Variants in DNAJC4 observed in about 807,000 individuals in gnomAD.
The protein encoded by DNAJC4 is DnaJ heat shock protein family (Hsp40) member C4, also known as dnaJ homolog subfamily C member 4.
DNAJC4 carries 26 observed loss-of-function variants against 26.8 expected under a neutral mutation model. The observed-to-expected ratio is 0.97, with a 90% confidence interval of 0.71 to 1.34. The LOEUF (loss-of-function observed/expected upper bound fraction) is 1.34. Among genes scored for constraint, DNAJC4 ranks in the 40% most tolerant of loss-of-function variants. The pLI is 0.00. For synonymous variants in DNAJC4, 134 were observed against 127.8 expected (o/e 1.05, Z -0.33); for missense variants, 342 against 321.1 (o/e 1.07, Z -0.50).
rs751226620 is a variant in DNAJC4 at position 64,233,917 on chromosome 11, A to C, written c.551A>C (p.Asn184Thr). The C allele has an allele frequency of 3.1e-6, 5 of 1,613,894 alleles. 1 individual carries two copies. In the African/African-American group the frequency reaches 6.7e-5, roughly 22 times the overall value. Reference sequence around the variant, plus strand: ...AGGAAGGTGAAGCAGATGCACCTTAACTTCATGGATGAAAAGGATCGGATC... The same window carrying C: ...AGGAAGGTGAAGCAGATGCACCTTACCTTCATGGATGAAAAGGATCGGATC... ...AFRKVKQMHL[N>T]FMDEKDRIIT... Residue 184 changes from asparagine to threonine, a missense_variant, in exon 5 of 6, where the codon AAC (asparagine) becomes ACC (threonine). Transcript: ENST00000628077.
intron 2 of DNAJC4, 82 bp from the exon 3 acceptor site, chr11:64,232,348 G>T: frequency 6.8e-7 from 1 of 1,474,106 alleles, no homozygotes; most frequent in East Asian, 2.3e-5. Context: ...TATGACTGGA[G>T]CCCTGGTGGG....
In DNAJC4 at chr11:64,234,150, G is replaced by T. The variant is rs770423160; in HGVS notation, c.692G>T (p.Gly231Val). 6.3e-7 allele frequency: 1 copy of T among 1,591,426 alleles called. No individual in the cohort carries two copies. The highest frequency in any genetic ancestry group is 1.1e-5 in the South Asian group (1 of 89,272). The change falls in exon 6 of 6, where the codon GGC (glycine) becomes GTC (valine). Residue 231 changes from glycine to valine, a missense_variant. By Grantham distance (109) the Gly-to-Val change is moderately radical. Coordinates refer to ENST00000628077, the MANE Select transcript of DNAJC4 (RefSeq NM_005528.4). The surrounding 1 kb of genome is among the most constrained non-coding windows in gnomAD (Gnocchi z 5.3). ...CCGCCACCATCCGAGCCAACCCAAG[G>T]CCCCGAGATCGTGCCCCGGGGCGCC... The part of the protein sequence containing the change: ...RQPPPSEPTQ[G>V]PEIVPRGAGP
rs560171950 is a variant in DNAJC4, at chr11:64,230,561, G to A, written c.-294G>A. On this transcript the variant is annotated 5_prime_UTR_variant, in exon 1 of 6. Coordinates refer to ENST00000628077, the MANE Select transcript of DNAJC4 (RefSeq NM_005528.4). ...CCTGGTTGTGGCCCCTCCTTCTCCCGTCCCCAAGTTCCCTGGGTGGGAACG... is the reference window on the plus strand; with the variant it reads ...CCTGGTTGTGGCCCCTCCTTCTCCCATCCCCAAGTTCCCTGGGTGGGAACG... 1.3e-5 allele frequency: 8 copies of A among 593,446 alleles called. No homozygotes were observed. Among genetic ancestry groups the A allele is most frequent in the African/African-American group, 9.3e-5 (5 of 53,556 alleles). 36.8% of individuals were successfully genotyped at this position (593,446 alleles called of 1,614,324 possible).
rs1947188562 is a variant in DNAJC4, at chr11:64,232,496, T to C, written c.247T>C (p.Tyr83His). The C allele has an allele frequency of 6.2e-7, 1 of 1,612,508 alleles. No individual in the cohort carries two copies. Among genetic ancestry groups the C allele is most frequent in the Non-Finnish European group, 8.5e-7 (1 of 1,178,922 alleles). ...HSRFVELSEAYRVLSREQSRR... is the reference protein window; with the variant it reads ...HSRFVELSEAHRVLSREQSRR... The stretch of plus-strand genomic sequence containing the variant: ...CCGCTTTGTGGAGCTGAGCGAGGCA[T>C]ACCGTGTGCTCAGCCGTGAGCAGAG... The change falls in exon 3 of 6, where the codon TAC (tyrosine) becomes CAC (histidine). Residue 83 changes from tyrosine to histidine, a missense_variant. By Grantham distance (83) the Tyr-to-His change is moderately conservative. Coordinates refer to ENST00000628077, the MANE Select transcript of DNAJC4 (RefSeq NM_005528.4).
chr11:64,234,274 T>G lies in DNAJC4; in HGVS notation c.*90T>G. The G allele has an allele frequency of 9.8e-6, 14 of 1,423,984 alleles. No individual in the cohort carries two copies. Among genetic ancestry groups the G allele is most frequent in the Non-Finnish European group, 1.3e-5 (14 of 1,064,956 alleles). The allele number at this position is 1,423,984 out of a possible 1,614,324, so 88.2% of individuals were successfully genotyped here. On this transcript the variant is annotated 3_prime_UTR_variant, in exon 6 of 6. Transcript: ENST00000628077. This position sits in a 1 kb window ranked among gnomAD's most constrained non-coding sequence, Gnocchi z 5.3. ...CCCCGAAACGCGCGCAATAAAGTGA[T>G]TCGCAGAGCTCGTGTCCGGCTCCCT...
At position 64,232,496 on chromosome 11, in the gene DNAJC4, T is replaced by G; in HGVS notation, c.247T>G (p.Tyr83Asp). The change falls in exon 3 of 6, where the codon TAC becomes GAC. Residue 83 changes from tyrosine to aspartate, a missense_variant. Coordinates refer to ENST00000628077, the MANE Select transcript of DNAJC4 (RefSeq NM_005528.4). ...HSRFVELSEA[Y>D]RVLSREQSRR... ...CCGCTTTGTGGAGCTGAGCGAGGCA[T>G]ACCGTGTGCTCAGCCGTGAGCAGAG... 6.2e-7 allele frequency: 1 copy of G among 1,612,508 alleles called. No homozygotes were observed. The highest frequency in any genetic ancestry group is 1.1e-5 in the South Asian group (1 of 90,996).
intron 2 of DNAJC4, 172 bp downstream of exon 2, chr11:64,232,136 G>T: frequency 1.3e-6 from 1 of 751,216 alleles, no homozygotes. Context: ...AGGAGCCAGG[G>T]GTCCTGTCTG....
upstream of DNAJC4, chr11:64,230,452 C>A: frequency 1.9e-6 from 1 of 523,564 alleles, no homozygotes. Context: ...TCTTGGCATC[C>A]ACGCCAATGA....
chr11:64,231,860 T>G lies in DNAJC4; in HGVS notation c.87-11T>G, dbSNP rs1404658808. On this transcript the variant is annotated splice_polypyrimidine_tract_variant and intron_variant, in intron 1 of 5. Transcript: ENST00000628077. The stretch of plus-strand genomic sequence containing the variant: ...CTTCAGCCCCTGCAAGGTTTGGGAC[T>G]CTGTCCACAGGTCCAGACCCAGTAC... The G allele has an allele frequency of 6.2e-7, 1 of 1,613,914 alleles. No individual in the cohort carries two copies. The highest frequency in any genetic ancestry group is 1.7e-4 in the Middle Eastern group (1 of 6,060).
intron 4 of DNAJC4, chr11:64,233,606 C>T (rs892090143): frequency 2.2e-6 from 1 of 462,992 alleles, no homozygotes; most frequent in Admixed American, 3.5e-5. Flanking sequence ...CTGCCTAGTT[C>T]AGTGATGGAG....
Position 64,232,731 on chromosome 11 carries a change from C to T in DNAJC4, c.393C>T (p.Tyr131=), listed in dbSNP as rs375673802. The stretch of plus-strand genomic sequence containing the variant: ...CCTGGACACCCCCCAACGCACAGTA[C>T]TGGTCCCAGTTTCACAGCGTGAGGC... The part of the protein sequence containing the change: ...HSSWTPPNAQ[Y]WSQFHSVRPQ... Residue 131 remains tyrosine, a synonymous_variant, in exon 4 of 6, where the codon TAC becomes TAT. Coordinates refer to ENST00000628077, the MANE Select transcript of DNAJC4 (RefSeq NM_005528.4). 3.6e-4 allele frequency: 586 copies of T among 1,610,380 alleles called. 1 individual carries two copies. The highest frequency in any genetic ancestry group is 6.3e-4 in the South Asian group (57 of 90,484).
intron 1 of DNAJC4, 21 bp downstream of exon 1, chr11:64,230,961 C>A: frequency 1.9e-6 from 3 of 1,539,060 alleles, no homozygotes; most frequent in South Asian, 1.2e-5. Flanking sequence ...CGCGGGGGGC[C>A]GGCCCGGTTG....
intron 4 of DNAJC4, chr11:64,233,125 AC>A: frequency 2.6e-6 from 1 of 379,438 alleles, no homozygotes; most frequent in Admixed American, 4.6e-5. Context: ...ATTGAGCCAA[AC>A]AAAATCAAGC....
At position 64,231,919 on chromosome 11, in the gene DNAJC4, C is replaced by T. The variant is rs1428039833; in HGVS notation, c.135C>T (p.Ala45=). The change falls in exon 2 of 6, where the codon GCC becomes GCT. Residue 45 remains alanine (A), a synonymous_variant. Coordinates refer to ENST00000628077, the MANE Select transcript of DNAJC4 (RefSeq NM_005528.4). ...AACTGTTGGGGGTGCATCCTGGTGC[C>T]AGCACTGAGGAAGTTAAACGAGCTT... ...YYELLGVHPG[A]STEEVKRAFF... 1.2e-6 allele frequency: 2 copies of T among 1,614,078 alleles called. No individual in the cohort carries two copies. Among genetic ancestry groups the T allele is most frequent in the Non-Finnish European group, 1.7e-6 (2 of 1,179,988 alleles).
At position 64,234,208 on chromosome 11, in the gene DNAJC4, C is replaced by T; in HGVS notation, c.*24C>T. On this transcript the variant is annotated 3_prime_UTR_variant, in exon 6 of 6. Transcript: ENST00000628077. The surrounding 1 kb of genome is among the most constrained non-coding windows in gnomAD (Gnocchi z 5.3). ...GAGGGGCTCACCTGGATGGGGCCTG[C>T]AGTGCGTTCCCGCTTTGCTTCCTTC... The T allele has an allele frequency of 2.0e-6, 3 of 1,537,600 alleles. No homozygotes were observed. Among genetic ancestry groups the T allele is most frequent in the Non-Finnish European group, 2.6e-6 (3 of 1,146,338 alleles).
In DNAJC4 at chr11:64,231,889, T is replaced by C. The variant is rs369229457; in HGVS notation, c.105T>C (p.Tyr35=). 8.7e-6 allele frequency: 14 copies of C among 1,609,714 alleles called. No homozygotes were observed. The highest frequency in any genetic ancestry group is 1.6e-4 in the Middle Eastern group (1 of 6,084). ...TCCACAGGTCCAGACCCAGTACTTATTATGAACTGTTGGGGGTGCATCCTG... is the reference window on the plus strand; with the variant it reads ...TCCACAGGTCCAGACCCAGTACTTACTATGAACTGTTGGGGGTGCATCCTG... The part of the protein sequence containing the change: ...AAGQRSRPST[Y]YELLGVHPGA... The change falls in exon 2 of 6, where the codon TAT becomes TAC. Residue 35 remains tyrosine (Y), a synonymous_variant. Transcript: ENST00000628077.
Position 64,230,873 on chromosome 11 carries a change from C to A in DNAJC4, c.19C>A (p.Leu7Met). Residue 7 changes from leucine to methionine, a missense_variant, in exon 1 of 6, where the codon CTG becomes ATG. By Grantham distance (15) the Leu-to-Met change is conservative. Transcript: ENST00000628077. ...CGCCGCCATGCCGCCCTTACTGCCC[C>A]TGCGCCTGTGCCGGCTGTGGCCCCG... is the stretch of plus-strand genomic sequence containing the variant. MPPLLP[L>M]RLCRLWPRNP... 1 of 1,600,068 alleles carries A rather than the reference C, an allele frequency of 6.2e-7. No homozygotes were observed. Among genetic ancestry groups the A allele is most frequent in the East Asian group, 2.3e-5 (1 of 44,440 alleles).
chr11:64,234,228 T>C lies in DNAJC4; in HGVS notation c.*44T>C. On this transcript the variant is annotated 3_prime_UTR_variant, in exon 6 of 6. Transcript: ENST00000628077. This position sits in a 1 kb window ranked among gnomAD's most constrained non-coding sequence, Gnocchi z 5.3. The stretch of plus-strand genomic sequence containing the variant: ...GCCTGCAGTGCGTTCCCGCTTTGCT[T>C]CCTTCCCTGGACGGCCCGCTCCCCG... 6.5e-7 allele frequency: 1 copy of C among 1,528,532 alleles called. No homozygotes were observed. Among genetic ancestry groups the C allele is most frequent in the Non-Finnish European group, 8.8e-7 (1 of 1,142,176 alleles). 94.7% of individuals were successfully genotyped at this position (1,528,532 alleles called of 1,614,324 possible). A position where few individuals can be genotyped will look rare whatever the true frequency, so the allele number is the denominator to read the frequency against.
At chr11:64,233,293 G>C (rs1363642365) in intron 4 of DNAJC4, among the ~76,000 whole-genome samples, 1 of 151,974 alleles carries the variant, frequency 6.6e-6, no homozygotes. Flanking sequence ...CAGTGCAGTG[G>C]CGCAATCTCG....
Sources: allele counts gnomAD v4.1 joint callset (sites outside exome capture counted in the v4.1 genomes callset), GRCh38; gene constraint gnomAD v4.1.1; non-coding constraint Gnocchi (gnomAD v3.1); transcripts MANE v1.5; gene names NCBI Gene and HGNC (gene_info 2026-07-23, HGNC 2026-07-21).